UHRF2: variants seen among roughly 807,000 people sequenced by gnomAD.
UHRF2 encodes ubiquitin like with PHD and ring finger domains 2.
UHRF2 carries 23 observed loss-of-function variants against 96.8 expected under a neutral mutation model. That is an observed-to-expected ratio of 0.24 (90% CI 0.17 to 0.34). The LOEUF (loss-of-function observed/expected upper bound fraction) is 0.34. Among genes scored for constraint, UHRF2 ranks in the 10% least tolerant of loss-of-function variants. The pLI, the probability that UHRF2 is intolerant of heterozygous loss-of-function variation, is 1.00. For synonymous variants in UHRF2, 385 were observed against 332.6 expected, an observed-to-expected ratio of 1.16 and a Z score of -1.72; for missense variants, 685 against 981.5, an observed-to-expected ratio of 0.70 and a Z score of 4.04.
chr9:6,445,180 T>C (rs1821413673), intron 3 of UHRF2, among the ~76,000 whole-genome samples: 2 of 150,846 alleles, frequency 1.3e-5, no homozygotes, highest in Admixed American at 1.3e-4. Context: ...AGGTCTTTAG[T>C]TTATTATTAA....
intron 9 of UHRF2, among the ~76,000 whole-genome samples, chr9:6,493,193 G>A (rs1824768819): frequency 1.3e-5 from 2 of 152,100 alleles, no homozygotes; most frequent in South Asian, 4.1e-4. Context: ...AGCTGCTTGG[G>A]AGGCTGAGGC....
At chr9:6,428,837 C>G (rs1820413091) in intron 2 of UHRF2, among the ~76,000 whole-genome samples, 1 of 152,042 alleles carries the variant, frequency 6.6e-6, no homozygotes, top group African/African-American at 2.4e-5. Flanking sequence ...TGTGAGCCAT[C>G]ACACCCAGCC....
chr9:6,475,289 A>G (rs1275458222), intron 4 of UHRF2, 102 bp from the exon 5 acceptor site: 9 of 599,776 alleles, frequency 1.5e-5, no homozygotes, highest in Non-Finnish European at 2.5e-5. Context: ...CAATTTATAA[A>G]TAGACAGATT....
chr9:6,436,872 T>C (rs1034950310), intron 3 of UHRF2, among the ~76,000 whole-genome samples: 3 of 152,202 alleles, frequency 2.0e-5, no homozygotes, highest in African/African-American at 7.2e-5. Flanking sequence ...GTGATGGAAT[T>C]AAATGTTTCA....
At position 6,483,994 on chromosome 9, in the gene UHRF2, A is replaced by G. The variant is rs549973942; in HGVS notation, c.1392+1895A>G. Among the ~76,000 whole-genome samples the G allele has an allele frequency of 2.8e-3, 420 of 151,892 alleles. 2 individuals carry two copies. The highest frequency in any genetic ancestry group is 9.0e-3 in the African/African-American group (373 of 41,422). ...GTGAGCCACTGCACCCGGCTTCATC[A>G]TCATTTTCTGTTTCTCAGAGGCAGC... On this transcript the variant is annotated intron_variant, in intron 8 of 15. Coordinates refer to ENST00000276893, the MANE Select transcript of UHRF2 (RefSeq NM_152896.3).
intron 3 of UHRF2, among the ~76,000 whole-genome samples, chr9:6,454,421 G>A (rs1008573114): frequency 6.6e-6 from 1 of 152,198 alleles, no homozygotes; most frequent in Non-Finnish European, 1.5e-5. Context: ...TGTGGCAAGA[G>A]TGTGTCGATT....
At chr9:6,463,087 G>T (rs1822647303) in intron 4 of UHRF2, among the ~76,000 whole-genome samples, 1 of 152,090 alleles carries the variant, frequency 6.6e-6, no homozygotes, top group African/African-American at 2.4e-5. Flanking sequence ...ATCGAGACCA[G>T]TCTGACCAAC....
At chr9:6,441,357 C>A (rs191914500) in intron 3 of UHRF2, among the ~76,000 whole-genome samples, 1 of 150,056 alleles carries the variant, frequency 6.7e-6, no homozygotes, top group African/African-American at 2.5e-5. Context: ...TTGGGTGACA[C>A]GGTGAAAACC....
chr9:6,494,005 T>TA, intron 10 of UHRF2, 73 bp downstream of exon 10: 2 of 1,322,590 alleles, frequency 1.5e-6, no homozygotes, highest in Non-Finnish European at 2.1e-6. Flanking sequence ...AATTGTAACT[T>TA]ACGTTGCAGA....
At chr9:6,500,244 A>C (rs1373288521) in intron 13 of UHRF2, among the ~76,000 whole-genome samples, 2 of 152,202 alleles carry the variant, frequency 1.3e-5, no homozygotes, top group Non-Finnish European at 2.9e-5. Flanking sequence ...CTGGGATTAC[A>C]GGCAGAAGCC....
chr9:6,500,435 T>C (rs1587885769), intron 13 of UHRF2, 117 bp from the exon 14 acceptor site: 1 of 812,812 alleles, frequency 1.2e-6, no homozygotes, highest in East Asian at 2.9e-5. Context: ...AATTAGATGC[T>C]GTTTTATGTT....
intron 4 of UHRF2, among the ~76,000 whole-genome samples, chr9:6,466,164 G>T (rs1205628743): frequency 6.6e-6 from 1 of 152,138 alleles, no homozygotes; most frequent in African/African-American, 2.4e-5. Flanking sequence ...ACTTTGGGAG[G>T]CCAAGGTGGG....
intron 9 of UHRF2, among the ~76,000 whole-genome samples, chr9:6,487,182 CTTTTTTTTT>C (rs1171978950): frequency 1.1e-4 from 8 of 69,580 alleles, no homozygotes; most frequent in South Asian, 1.3e-3. Context: ...TTTTTTTTTC[CTTTTTTTTT>C]TTTTTTTTTT....
chr9:6,502,091 C>T (rs974515217), intron 14 of UHRF2, among the ~76,000 whole-genome samples: 1 of 152,172 alleles, frequency 6.6e-6, no homozygotes, highest in African/African-American at 2.4e-5. Context: ...AAGCCAGGAA[C>T]ACATTTATTA....
chr9:6,448,035 A>G (rs1274742820), intron 3 of UHRF2, among the ~76,000 whole-genome samples: 1 of 152,200 alleles, frequency 6.6e-6, no homozygotes, highest in Non-Finnish European at 1.5e-5. Context: ...AGGATTCAAT[A>G]TAGGAGGTAA....
At chr9:6,477,528 A>G (rs1430969721) in intron 5 of UHRF2, 94 bp from the exon 6 acceptor site, 1 of 1,268,310 alleles carries the variant, frequency 7.9e-7, no homozygotes, top group African/African-American at 1.5e-5. Flanking sequence ...CTCCATTTCA[A>G]AAAAAATGCT....
intron 3 of UHRF2, among the ~76,000 whole-genome samples, chr9:6,458,506 C>G (rs1256503519): frequency 2.0e-5 from 3 of 149,996 alleles, no homozygotes; most frequent in Non-Finnish European, 4.4e-5. Context: ...CAGTTCTGCT[C>G]TCATCTTAGT....
At chr9:6,495,420 G>A (rs1287284017) in intron 10 of UHRF2, 2 of 152,184 alleles carry the variant, frequency 1.3e-5, no homozygotes, top group African/African-American at 4.8e-5. Flanking sequence ...TTGGGCAAAG[G>A]TACCTGTATG....
intron 3 of UHRF2, among the ~76,000 whole-genome samples, chr9:6,446,680 C>T (rs1024403438): frequency 4.0e-5 from 6 of 151,686 alleles, no homozygotes; most frequent in Non-Finnish European, 7.4e-5. Flanking sequence ...GGTGAAACCC[C>T]GTCTCTATAG....
Sources: gnomAD v4.1 joint callset for allele counts (sites outside exome capture counted in the v4.1 genomes callset) on GRCh38, gnomAD v4.1.1 for gene constraint, MANE v1.5 for transcripts, NCBI Gene and HGNC (gene_info 2026-07-23, HGNC 2026-07-21) for gene names.